HAS2: variants seen among roughly 807,000 people sequenced by gnomAD.
The protein encoded by HAS2 is hyaluronan synthase 2, also known as HA synthase 2.
A neutral mutation model predicts 51.6 loss-of-function variants in HAS2; 16 were observed. The observed-to-expected ratio is 0.31, with a 90% CI of 0.21 to 0.47. HAS2 has a LOEUF of 0.47. Among genes scored for constraint, HAS2 ranks in the 20% least tolerant of loss-of-function variants. The pLI is 1.00. For synonymous variants in HAS2, 228 were observed against 235.5 expected (o/e 0.97, Z 0.29); for missense variants, 361 against 662.6 (o/e 0.54, Z 5.00).
chr8:121,639,048 A>G (rs1055106476), intron 1 of HAS2, among the ~76,000 whole-genome samples: 2 of 152,234 alleles, frequency 1.3e-5, no homozygotes, highest in Non-Finnish European at 2.9e-5. Context: ...AGTACTTATC[A>G]TATGCCTTAA....
chr8:121,624,849 A>G (rs999407681), intron 2 of HAS2, among the ~76,000 whole-genome samples: 11 of 152,206 alleles, frequency 7.2e-5, no homozygotes, highest in Admixed American at 2.0e-4. Context: ...TAATCCCAGC[A>G]CTTTGGGAGG....
At chr8:121,624,911 C>T (rs1286319543) in intron 2 of HAS2, among the ~76,000 whole-genome samples, 3 of 151,784 alleles carry the variant, frequency 2.0e-5, no homozygotes, top group Admixed American at 1.3e-4. Flanking sequence ...CTGGCTAATA[C>T]GGTGAAACCC....
chr8:121,631,346 G>A (rs750709486), intron 1 of HAS2, among the ~76,000 whole-genome samples: 5 of 152,120 alleles, frequency 3.3e-5, no homozygotes, highest in South Asian at 2.1e-4. Flanking sequence ...GCTTGCGGAC[G>A]TCTCTTTTTT....
At chr8:121,634,394 A>G (rs577218398) in intron 1 of HAS2, among the ~76,000 whole-genome samples, 5 of 151,978 alleles carry the variant, frequency 3.3e-5, no homozygotes, top group South Asian at 2.1e-4. Flanking sequence ...CTGTCCTTCT[A>G]AAGCAACTCC....
intron 1 of HAS2, among the ~76,000 whole-genome samples, chr8:121,633,828 G>A (rs1305720689): frequency 6.6e-6 from 1 of 152,080 alleles, no homozygotes; most frequent in East Asian, 1.9e-4. Context: ...TTGGATGAAA[G>A]GAGAGTAACA....
At chr8:121,627,040 A>T (rs935575933) in intron 2 of HAS2, among the ~76,000 whole-genome samples, 3 of 152,214 alleles carry the variant, frequency 2.0e-5, no homozygotes, top group African/African-American at 7.2e-5. Flanking sequence ...AACAAAATTC[A>T]AAACAAAAAT....
chr8:121,629,427 T>A, intron 1 of HAS2, 87 bp from the exon 2 acceptor site: 1 of 1,067,830 alleles, frequency 9.4e-7, no homozygotes, highest in Non-Finnish European at 1.4e-6. Flanking sequence ...AGTATTGGAC[T>A]AGAAGCATTC....
At chr8:121,638,205 T>A (rs191153295) in intron 1 of HAS2, among the ~76,000 whole-genome samples, 32 of 152,348 alleles carry the variant, frequency 2.1e-4, no homozygotes, top group African/African-American at 7.0e-4. Context: ...TTCAATACTA[T>A]GGGGCTATAT....
Position 121,620,340 on chromosome 8 carries a change from C to T in HAS2, c.628-3134G>A, listed in dbSNP as rs541626047. ...GCTTTCTAGCCATCTCCTCACTCAT[C>T]GGTAACAAGTATGCAATTTCACGAA... On this transcript the variant is annotated intron_variant, in intron 2 of 3. Coordinates refer to ENST00000303924, the MANE Select transcript of HAS2 (RefSeq NM_005328.3). 4.2e-4 allele frequency among the ~76,000 whole-genome samples: 64 copies of T among 152,256 alleles called. No homozygotes were observed. In the South Asian group the frequency reaches 5.6e-3, roughly 13 times the overall value.
At chr8:121,640,578 G>T (rs1813080222) in intron 1 of HAS2, among the ~76,000 whole-genome samples, 1 of 152,006 alleles carries the variant, frequency 6.6e-6, no homozygotes. Context: ...ATCTGAGGAC[G>T]TGCAGCCTTT....
chr8:121,622,330 A>G (rs1347431837), intron 2 of HAS2, among the ~76,000 whole-genome samples: 3 of 152,118 alleles, frequency 2.0e-5, no homozygotes, highest in Non-Finnish European at 2.9e-5. Flanking sequence ...AGTACTATAT[A>G]AGGCCTTGGA....
At chr8:121,633,806 G>A (rs1001699027) in intron 1 of HAS2, among the ~76,000 whole-genome samples, 4 of 152,144 alleles carry the variant, frequency 2.6e-5, no homozygotes, top group African/African-American at 7.2e-5. Flanking sequence ...GTATTAAGCA[G>A]AGAGTGAAAT....
chr8:121,630,766 C>T (rs1259720189), intron 1 of HAS2, among the ~76,000 whole-genome samples: 1 of 152,208 alleles, frequency 6.6e-6, no homozygotes. Flanking sequence ...TCGTAATCCA[C>T]ATGCAAACTT....
intron 3 of HAS2, 105 bp from the exon 4 acceptor site, chr8:121,615,143 C>G: frequency 2.7e-6 from 2 of 746,562 alleles, no homozygotes; most frequent in Non-Finnish European, 2.1e-6. Flanking sequence ...GTTATTTTAT[C>G]CTCCCATTTT....
At chr8:121,637,469 C>T (rs1455286684) in intron 1 of HAS2, among the ~76,000 whole-genome samples, 2 of 149,432 alleles carry the variant, frequency 1.3e-5, no homozygotes, top group African/African-American at 4.9e-5. Context: ...TGGCTCACTA[C>T]AACCTCCACC....
At chr8:121,626,515 G>C (rs1812855826) in intron 2 of HAS2, among the ~76,000 whole-genome samples, 1 of 152,132 alleles carries the variant, frequency 6.6e-6, no homozygotes, top group African/African-American at 2.4e-5. Context: ...ATTACCACCT[G>C]AACTTTGTTT....
chr8:121,633,750 T>C (rs2130450393), intron 1 of HAS2, among the ~76,000 whole-genome samples: 1 of 152,296 alleles, frequency 6.6e-6, no homozygotes, highest in Non-Finnish European at 1.5e-5. Context: ...GTGGGACTCT[T>C]CAGGTCACTG....
chr8:121,622,812 T>A (rs1034873958), intron 2 of HAS2, among the ~76,000 whole-genome samples: 1 of 152,136 alleles, frequency 6.6e-6, no homozygotes, highest in Non-Finnish European at 1.5e-5. Context: ...TTTATGTGAA[T>A]TCTAGATGAA....
At chr8:121,622,053 T>C (rs954603450) in intron 2 of HAS2, among the ~76,000 whole-genome samples, 1 of 126,178 alleles carries the variant, frequency 7.9e-6, no homozygotes, top group African/African-American at 3.3e-5. Context: ...CATCTTAACC[T>C]TGACTCTTCA....
Sources: gnomAD v4.1 joint callset for allele counts (sites outside exome capture counted in the v4.1 genomes callset) on GRCh38, gnomAD v4.1.1 for gene constraint, MANE v1.5 for transcripts, NCBI Gene and HGNC (gene_info 2026-07-23, HGNC 2026-07-21) for gene names.